HOOK3: variants seen among roughly 807,000 people sequenced by gnomAD.
The protein encoded by HOOK3 is hook microtubule tethering protein 3.
In HOOK3, 24 loss-of-function variants were observed where a neutral mutation model predicts 116.3. The observed-to-expected ratio is 0.21, with a 90% CI of 0.15 to 0.29. The LOEUF is 0.29. Among genes scored for constraint, HOOK3 ranks in the 10% least tolerant of loss-of-function variants. The pLI, the probability that HOOK3 is intolerant of heterozygous loss-of-function variation, is 1.00. For missense variants in HOOK3, 632 were observed against 830.2 expected (o/e 0.76, Z 2.93); for synonymous variants, 275 against 283.0 (o/e 0.97, Z 0.28).
intron 1 of HOOK3, among the ~76,000 whole-genome samples, chr8:42,903,349 T>TTTTTTTTTTTTTTTTTTTTTTTTTTTC: frequency 7.0e-6 from 1 of 143,880 alleles, no homozygotes; most frequent in African/African-American, 2.6e-5. Context: ...TTTTTTTTTT[T>TTTTTTTTTTTTTTTTTTTTTTTTTTTC]TTTTTTTTTT....
intron 13 of HOOK3, 110 bp from the exon 14 acceptor site, chr8:42,982,517 C>A: frequency 1.4e-6 from 1 of 732,998 alleles, no homozygotes; most frequent in South Asian, 1.5e-5. Context: ...TGGTCCTTTA[C>A]TTGAAAATGA....
Position 42,925,608 on chromosome 8 carries a change from A to C in HOOK3, c.195A>C (p.Val65=). 1 of 1,602,650 alleles carries C rather than the reference A, an allele frequency of 6.2e-7. No homozygotes were observed. The highest frequency in any genetic ancestry group is 8.5e-7 in the Non-Finnish European group (1 of 1,171,770). Residue 65 remains valine, a synonymous_variant, in exon 3 of 22, where the codon GTA becomes GTC. Transcript: ENST00000307602. The part of the protein sequence containing the change: ...ENWLNRIKTE[V]GDNWRLKISN... ...GGCTAAACAGAATCAAAACTGAAGT[A>C]GGAGATAATTGGAGGCTAAAGGTAT...
At chr8:42,914,511 GCCAAGAATT>G (rs1586588313) in intron 2 of HOOK3, among the ~76,000 whole-genome samples, 2 of 152,240 alleles carry the variant, frequency 1.3e-5, no homozygotes, top group East Asian at 3.9e-4. Context: ...GTACCAAGAT[GCCAAGAATT>G]CTTCAGTTCT....
intron 14 of HOOK3, among the ~76,000 whole-genome samples, chr8:42,985,740 C>CAAA (rs879842015): frequency 9.4e-6 from 1 of 106,826 alleles, no homozygotes; most frequent in Non-Finnish European, 2.0e-5. Flanking sequence ...GACCCCGTCT[C>CAAA]AAAAAAAAAA....
intron 11 of HOOK3, 44 bp downstream of exon 11, chr8:42,968,258 T>G: frequency 7.1e-7 from 1 of 1,404,690 alleles, no homozygotes; most frequent in Non-Finnish European, 1.0e-6. Flanking sequence ...AGGCAAGCTC[T>G]CAGTTATGAC....
At chr8:42,952,842 A>T (rs1403648398) in intron 6 of HOOK3, among the ~76,000 whole-genome samples, 1 of 152,196 alleles carries the variant, frequency 6.6e-6, no homozygotes, top group Admixed American at 6.5e-5. Context: ...CAAGCAAGAT[A>T]TGAGTTTAAT....
intron 2 of HOOK3, among the ~76,000 whole-genome samples, chr8:42,914,552 T>C (rs555201878): frequency 1.3e-5 from 2 of 152,356 alleles, no homozygotes; most frequent in East Asian, 3.9e-4. Context: ...GGGACTTCAA[T>C]ATGGCCCTTC....
In HOOK3 at chr8:42,941,888, A is replaced by G. The variant is rs151070674; in HGVS notation, c.268-1425A>G. Among the ~76,000 whole-genome samples the G allele has an allele frequency of 3.7e-3, 556 of 152,156 alleles. 4 individuals are homozygous for G. The highest frequency in any genetic ancestry group is 8.1e-3 in the South Asian group (39 of 4,814). On this transcript the variant is annotated intron_variant, in intron 4 of 21. Transcript: ENST00000307602. Reference sequence around the variant, plus strand: ...GTGTCGTATCCCCCCACCTATAACTATATGGTCTGCCTCTTCATTCCAGGA... The same window carrying G: ...GTGTCGTATCCCCCCACCTATAACTGTATGGTCTGCCTCTTCATTCCAGGA...
chr8:42,979,321 G>A (rs2130441809), intron 13 of HOOK3, among the ~76,000 whole-genome samples: 1 of 152,252 alleles, frequency 6.6e-6, no homozygotes. Context: ...TCCTAAAGCA[G>A]TGAATTTTTT....
chr8:42,910,625 T>C (rs553579800), intron 2 of HOOK3, among the ~76,000 whole-genome samples: 1 of 152,372 alleles, frequency 6.6e-6, no homozygotes, highest in South Asian at 2.1e-4. Context: ...GTCAACATAA[T>C]GTCTGTGAGA....
intron 5 of HOOK3, among the ~76,000 whole-genome samples, chr8:42,949,648 G>A (rs1027588433): frequency 2.0e-5 from 3 of 152,212 alleles, no homozygotes; most frequent in Non-Finnish European, 2.9e-5. Context: ...GGCTGGGCAC[G>A]GTGGCTCACG....
chr8:42,976,332 A>ACC (rs1278876784), intron 13 of HOOK3, among the ~76,000 whole-genome samples: 1 of 151,566 alleles, frequency 6.6e-6, no homozygotes, highest in Non-Finnish European at 1.5e-5. Flanking sequence ...ATAGCAAGAC[A>ACC]CCCCACCCCA....
At chr8:42,903,950 C>T (rs574000481) in intron 1 of HOOK3, among the ~76,000 whole-genome samples, 25 of 151,876 alleles carry the variant, frequency 1.6e-4, no homozygotes, top group African/African-American at 5.5e-4. Context: ...AGTGAGACTC[C>T]GTCTGAAAAA....
chr8:43,014,462 C>G (rs1333473471), intron 21 of HOOK3, among the ~76,000 whole-genome samples: 2 of 151,874 alleles, frequency 1.3e-5, no homozygotes. Flanking sequence ...AGCGATTCTT[C>G]TGCCTCAGCC....
intron 5 of HOOK3, among the ~76,000 whole-genome samples, chr8:42,947,993 T>C (rs1341914936): frequency 6.6e-6 from 1 of 152,174 alleles, no homozygotes. Context: ...GTCTTGGCTA[T>C]CTTACTTCTC....
chr8:43,022,085 T>TAA lies in HOOK3; in HGVS notation c.*3606_*3607dup, dbSNP rs35656895. ...TGTTTAAAAACAAAACAGGCTGTTG[T>TAA]AAAAAAAAAAAAAAAAAAAACTTCT... On this transcript the variant is annotated 3_prime_UTR_variant, in exon 22 of 22. Coordinates refer to ENST00000307602, the MANE Select transcript of HOOK3 (RefSeq NM_032410.4). 7.2e-3 allele frequency: 1,037 copies of TAA among 144,602 alleles called. No individual in the cohort carries two copies. The highest frequency in any genetic ancestry group is 0.014 in the Middle Eastern group (5 of 370). 9.0% of individuals were successfully genotyped at this position (144,602 alleles called of 1,614,324 possible).
intron 17 of HOOK3, among the ~76,000 whole-genome samples, chr8:43,003,942 C>A (rs768199773): frequency 3.9e-5 from 6 of 152,150 alleles, no homozygotes; most frequent in Non-Finnish European, 5.9e-5. Flanking sequence ...CCTGTAAACA[C>A]CCAATTTCCA....
chr8:42,975,719 A>G (rs1156547103), intron 13 of HOOK3, among the ~76,000 whole-genome samples: 1 of 152,192 alleles, frequency 6.6e-6, no homozygotes, highest in African/African-American at 2.4e-5. Flanking sequence ...ATAGATACAT[A>G]TGTTGAGACG....
intron 8 of HOOK3, among the ~76,000 whole-genome samples, chr8:42,961,050 G>A (rs1392690827): frequency 6.6e-6 from 1 of 152,148 alleles, no homozygotes; most frequent in Non-Finnish European, 1.5e-5. Flanking sequence ...GGCAAGAGTA[G>A]GAGCAAGGGG....
Sources: gnomAD v4.1 joint callset for allele counts (sites outside exome capture counted in the v4.1 genomes callset) on GRCh38, gnomAD v4.1.1 for gene constraint, MANE v1.5 for transcripts, NCBI Gene and HGNC (gene_info 2026-07-23, HGNC 2026-07-21) for gene names.